PRKCA: variants seen among roughly 807,000 people sequenced by gnomAD.
The protein encoded by PRKCA is protein kinase C alpha.
A neutral mutation model predicts 87.0 loss-of-function variants in PRKCA; 27 were observed. The ratio of observed to expected loss-of-function variants is 0.31; its 90% confidence interval spans 0.23 to 0.43. PRKCA has a LOEUF of 0.43. PRKCA is among the 20% of genes least tolerant of loss of function. The pLI, the probability that PRKCA is intolerant of heterozygous loss-of-function variation, is 1.00. For synonymous variants in PRKCA, 329 were observed against 311.1 expected, an observed-to-expected ratio of 1.06 and a Z score of -0.61; for missense variants, 518 against 852.3, an observed-to-expected ratio of 0.61 and a Z score of 4.88.
chr17:66,775,564 A>G (rs995610135), intron 14 of PRKCA: 2 of 985,300 alleles, frequency 2.0e-6, no homozygotes, highest in African/African-American at 1.7e-5. Flanking sequence ...GCAGCTTTTT[A>G]TAATTCCCAG....
At chr17:66,390,214 C>T (rs969723424) in intron 2 of PRKCA, among the ~76,000 whole-genome samples, 1 of 116,724 alleles carries the variant, frequency 8.6e-6, no homozygotes, top group Admixed American at 1.0e-4. Flanking sequence ...AAGAGTGAAA[C>T]TCAGTCTCAA....
intron 3 of PRKCA, among the ~76,000 whole-genome samples, chr17:66,571,684 C>G (rs1969083322): frequency 6.6e-6 from 1 of 152,172 alleles, no homozygotes; most frequent in Non-Finnish European, 1.5e-5. Context: ...TTGACCTAGG[C>G]AAGTGGTTTA....
intron 2 of PRKCA, among the ~76,000 whole-genome samples, chr17:66,470,567 T>G (rs1292449794): frequency 6.6e-6 from 1 of 152,034 alleles, no homozygotes; most frequent in Non-Finnish European, 1.5e-5. Flanking sequence ...TGAAGGGCAC[T>G]TAGAGCTACC....
rs143533150 is a variant in PRKCA, at chr17:66,362,895, T to C, written c.205+56768T>C. 3.2e-3 allele frequency among the ~76,000 whole-genome samples: 481 copies of C among 152,264 alleles called. 3 individuals are homozygous for C. The highest frequency in any genetic ancestry group is 3.5e-3 in the Non-Finnish European group (237 of 68,020). ...TTTTAGTAGAGATGGGATTTTGCCA[T>C]GTTGTCCAGGCTGGTCTCAAACTCC... On this transcript the variant is annotated intron_variant, in intron 2 of 16. Coordinates refer to ENST00000413366, the MANE Select transcript of PRKCA (RefSeq NM_002737.3).
chr17:66,709,405 G>T (rs1412736087), intron 8 of PRKCA, among the ~76,000 whole-genome samples: 1 of 147,006 alleles, frequency 6.8e-6, no homozygotes, highest in Non-Finnish European at 1.5e-5. Flanking sequence ...TCCACTCCCG[G>T]GTTCAAGCAA....
Position 66,805,510 on chromosome 17 carries a change from T to C in PRKCA, c.*1473T>C, listed in dbSNP as rs1433916051. 1 of 152,426 alleles carries C rather than the reference T, an allele frequency of 6.6e-6. No homozygotes were observed. Among genetic ancestry groups the C allele is most frequent in the South Asian group, 2.1e-4 (1 of 4,832 alleles). 9.4% of individuals were successfully genotyped at this position (152,426 alleles called of 1,614,324 possible). A position where few individuals can be genotyped will look rare whatever the true frequency, so the allele number is the denominator to read the frequency against. ...TGTATCAGATAGATTACTTTTTAAA[T>C]GTAGATAAAATTTCAAAAATGAATG... On this transcript the variant is annotated 3_prime_UTR_variant, in exon 17 of 17. Transcript: ENST00000413366.
At chr17:66,788,808 A>G (rs1024070295) in intron 15 of PRKCA, 31 bp from the exon 16 acceptor site, 3 of 1,606,020 alleles carry the variant, frequency 1.9e-6, no homozygotes, top group African/African-American at 2.7e-5. Context: ...CTTGACATCC[A>G]TTGTTCTCCT....
At chr17:66,617,548 C>G (rs1418002065) in intron 3 of PRKCA, among the ~76,000 whole-genome samples, 1 of 152,130 alleles carries the variant, frequency 6.6e-6, no homozygotes, top group Non-Finnish European at 1.5e-5. Flanking sequence ...CATGGGCTGG[C>G]TTGGAGCTGC....
chr17:66,776,456 C>A (rs143334643), intron 14 of PRKCA, among the ~76,000 whole-genome samples: 1 of 152,016 alleles, frequency 6.6e-6, no homozygotes, highest in African/African-American at 2.4e-5. Context: ...ATTACAGGCA[C>A]CTGCCAACAC....
chr17:66,804,033 T>C lies in PRKCA; in HGVS notation c.2015T>C (p.Val672Ala), dbSNP rs773277158. ...QFVHPILQSA[V>A] ...GTGCACCCCATCTTACAGAGTGCAGTATGAAACTCACCAGCGAGAACAAAC... is the reference window on the plus strand; with the variant it reads ...GTGCACCCCATCTTACAGAGTGCAGCATGAAACTCACCAGCGAGAACAAAC... The change falls in exon 17 of 17, where the codon GTA becomes GCA. Residue 672 changes from valine to alanine, a missense_variant. This residue lies in a region of PRKCA where 159 missense variants were observed against 232.4 expected (regional missense o/e 0.68). Transcript: ENST00000413366. 20 of 1,601,724 alleles carry C rather than the reference T, an allele frequency of 1.2e-5. No individual in the cohort carries two copies. The highest frequency in any genetic ancestry group is 1.5e-5 in the Non-Finnish European group (17 of 1,169,852).
chr17:66,665,597 G>T (rs563482239), intron 5 of PRKCA, among the ~76,000 whole-genome samples: 2 of 152,214 alleles, frequency 1.3e-5, no homozygotes, highest in South Asian at 4.2e-4. Context: ...GTGTGCTGCT[G>T]GTCTACCTGG....
chr17:66,411,111 G>A (rs116660572), intron 2 of PRKCA, among the ~76,000 whole-genome samples: 171 of 151,906 alleles, frequency 1.1e-3, no homozygotes, highest in African/African-American at 3.7e-3. Flanking sequence ...TTGCCCTGTC[G>A]CCCAGGCTGA....
At chr17:66,349,482 G>A (rs1239897203) in intron 2 of PRKCA, among the ~76,000 whole-genome samples, 1 of 152,100 alleles carries the variant, frequency 6.6e-6, no homozygotes, top group Non-Finnish European at 1.5e-5. Context: ...CGCAGTAGAG[G>A]TTTGCAAAGA....
At chr17:66,649,252 G>A (rs1203506255) in intron 5 of PRKCA, among the ~76,000 whole-genome samples, 1 of 152,216 alleles carries the variant, frequency 6.6e-6, no homozygotes, top group Non-Finnish European at 1.5e-5. Flanking sequence ...GGCAGTGCTT[G>A]CCAATGATGG....
At chr17:66,674,472 T>C (rs1272035148) in intron 5 of PRKCA, among the ~76,000 whole-genome samples, 1 of 152,104 alleles carries the variant, frequency 6.6e-6, no homozygotes, top group Non-Finnish European at 1.5e-5. Context: ...TTCTTTTGGG[T>C]TATATAAATA....
rs1279462399 is a variant in PRKCA at position 66,805,660 on chromosome 17, T to A, written c.*1623T>A. ...TTTGAGCTGACACTCCCTCTTAGTT[T>A]CTTCATGTCACCTTTCGTCCTGGTT... is the stretch of plus-strand genomic sequence containing the variant. On this transcript the variant is annotated 3_prime_UTR_variant, in exon 17 of 17. Transcript: ENST00000413366. The A allele has an allele frequency of 6.6e-6, 1 of 152,246 alleles. No individual in the cohort carries two copies. The highest frequency in any genetic ancestry group is 1.5e-5 in the Non-Finnish European group (1 of 68,052). The allele number at this position is 152,246 out of a possible 1,614,324, so 9.4% of individuals were successfully genotyped here. A position where few individuals can be genotyped will look rare whatever the true frequency, so the allele number is the denominator to read the frequency against.
chr17:66,792,762 G>A lies in PRKCA; in HGVS notation c.1854+3783G>A, dbSNP rs1467451549. Among the ~76,000 whole-genome samples the A allele has an allele frequency of 6.6e-6, 1 of 152,186 alleles. No homozygotes were observed. Among genetic ancestry groups the A allele is most frequent in the Non-Finnish European group, 1.5e-5 (1 of 68,038 alleles). ...CCAGCATCGAGTGTGTGGGACAGTG[G>A]CCATCTCCCTTAGCAGTGGCCACCT... On this transcript the variant is annotated intron_variant, in intron 16 of 16. Transcript: ENST00000413366. The surrounding 1 kb of genome is among the most constrained non-coding windows in gnomAD (Gnocchi z 4.5).
At position 66,347,639 on chromosome 17, in the gene PRKCA, A is replaced by G. The variant is rs146547014; in HGVS notation, c.205+41512A>G. Among the ~76,000 whole-genome samples, 17 of 152,324 alleles carry G rather than the reference A, an allele frequency of 1.1e-4. No individual in the cohort carries two copies. The East Asian group carries it at 3.3e-3, about 29-fold the overall frequency. On this transcript the variant is annotated intron_variant, in intron 2 of 16. Coordinates refer to ENST00000413366, the MANE Select transcript of PRKCA (RefSeq NM_002737.3). Reference sequence around the variant, plus strand: ...GACACATTTCATTATTCAACATCAAAAAAGTCACAATTATTAGTATCACCA... The same window carrying G: ...GACACATTTCATTATTCAACATCAAGAAAGTCACAATTATTAGTATCACCA...
chr17:66,480,353 C>T (rs1002634205), intron 2 of PRKCA, among the ~76,000 whole-genome samples: 1 of 152,040 alleles, frequency 6.6e-6, no homozygotes, highest in African/African-American at 2.4e-5. Flanking sequence ...TATTAGTTCC[C>T]AACATACTTG....
Sources: allele counts gnomAD v4.1 joint callset (sites outside exome capture counted in the v4.1 genomes callset), GRCh38; gene constraint gnomAD v4.1.1; regional missense constraint gnomAD v4.1.1; non-coding constraint Gnocchi (gnomAD v3.1); transcripts MANE v1.5; gene names NCBI Gene and HGNC (gene_info 2026-07-23, HGNC 2026-07-21).